CNTN3: variants seen among roughly 807,000 people sequenced by gnomAD.
CNTN3 encodes the protein contactin 3.
In CNTN3, 60 loss-of-function variants were observed where a neutral mutation model predicts 119.1. That is an observed-to-expected ratio of 0.50 (90% CI 0.41 to 0.62). The LOEUF is 0.62. Ranked by LOEUF, CNTN3 falls within the 20% of genes least tolerant of loss-of-function variation. CNTN3 has a pLI of 0.00. For synonymous variants in CNTN3, 450 were observed against 438.7 expected, an observed-to-expected ratio of 1.03 and a Z score of -0.32; for missense variants, 1,101 against 1,242.4, an observed-to-expected ratio of 0.89 and a Z score of 1.71.
chr3:74,285,470 C>T lies in CNTN3; in HGVS notation c.2539G>A (p.Gly847Arg), dbSNP rs761438541. 6.5e-5 allele frequency: 104 copies of T among 1,611,646 alleles called. No homozygotes were observed. Among genetic ancestry groups the T allele is most frequent in the Admixed American group, 3.5e-4 (21 of 59,792 alleles). The change falls in exon 20 of 23, where the codon GGA becomes AGA. Residue 847 changes from glycine to arginine, a missense_variant. Physicochemically the swap from Gly to Arg is moderately radical, Grantham distance 125. Transcript: ENST00000263665. ...GYEVRYWNGG[G>R]KEESSSKMKV... The stretch of plus-strand genomic sequence containing the variant: ...ATCTTACTGGATGATTCCTCCTTTC[C>T]ACCCCCATTCCAGTACCGCACCTGG...
At chr3:74,417,090 G>A (rs1701535923) in intron 5 of CNTN3, among the ~76,000 whole-genome samples, 1 of 152,112 alleles carries the variant, frequency 6.6e-6, no homozygotes, top group East Asian at 1.9e-4. Context: ...TGGCTTGTCA[G>A]TGCAGAATGA....
chr3:74,403,397 T>C (rs1345264319), intron 5 of CNTN3, among the ~76,000 whole-genome samples: 1 of 152,142 alleles, frequency 6.6e-6, no homozygotes, highest in Non-Finnish European at 1.5e-5. Context: ...CTTTGGGAGT[T>C]AGGAGGTTGA....
At chr3:74,601,450 C>T (rs890046702) in intron 1 of CNTN3, among the ~76,000 whole-genome samples, 1 of 152,086 alleles carries the variant, frequency 6.6e-6, no homozygotes. Context: ...TATTTCCCAC[C>T]TCTGTGTGTT....
At chr3:74,601,287 G>A (rs1212134540) in intron 1 of CNTN3, among the ~76,000 whole-genome samples, 1 of 151,844 alleles carries the variant, frequency 6.6e-6, no homozygotes, top group East Asian at 1.9e-4. Context: ...ATTTGCCCAA[G>A]GTAAGAAACT....
intron 2 of CNTN3, among the ~76,000 whole-genome samples, chr3:74,513,068 G>A (rs951437638): frequency 2.9e-5 from 3 of 104,374 alleles, no homozygotes; most frequent in African/African-American, 1.1e-4. Context: ...GAGCTCTAAA[G>A]CTTAAGGCTA....
chr3:74,439,746 T>C (rs1272528481), intron 4 of CNTN3, among the ~76,000 whole-genome samples: 3 of 152,164 alleles, frequency 2.0e-5, no homozygotes, highest in African/African-American at 4.8e-5. Flanking sequence ...TTTCAGTCCA[T>C]AGAAACTTCA....
chr3:74,536,512 T>C (rs960546047), intron 1 of CNTN3, among the ~76,000 whole-genome samples: 1 of 152,050 alleles, frequency 6.6e-6, no homozygotes, highest in Non-Finnish European at 1.5e-5. Context: ...AAATTGAATT[T>C]ACTAAAAAGC....
intron 1 of CNTN3, among the ~76,000 whole-genome samples, chr3:74,592,545 C>G (rs1704721667): frequency 6.6e-6 from 1 of 151,760 alleles, no homozygotes; most frequent in South Asian, 2.1e-4. Context: ...AAGAGGAACA[C>G]CAGCACTTTT....
chr3:74,339,902 GATAGA>G (rs1703491285), intron 11 of CNTN3, among the ~76,000 whole-genome samples: 1 of 71,672 alleles, frequency 1.4e-5, no homozygotes, highest in Admixed American at 1.6e-4. Flanking sequence ...CAGATAGATA[GATAGA>G]TAGATAGATA....
intron 1 of CNTN3, among the ~76,000 whole-genome samples, chr3:74,589,531 T>C (rs1461191372): frequency 6.2e-5 from 9 of 145,264 alleles, no homozygotes; most frequent in Non-Finnish European, 1.4e-4. Context: ...AGTTCAACCA[T>C]TGTGGAAGTC....
At chr3:74,458,207 G>T (rs1419158886) in intron 4 of CNTN3, among the ~76,000 whole-genome samples, 1 of 151,904 alleles carries the variant, frequency 6.6e-6, no homozygotes, top group Non-Finnish European at 1.5e-5. Context: ...AGAAATATCT[G>T]GAATTACCAA....
In CNTN3 at chr3:74,334,717, G is replaced by C; in HGVS notation, c.1668+18C>G. 5 of 1,607,678 alleles carry C rather than the reference G, an allele frequency of 3.1e-6. No individual in the cohort carries two copies. Among genetic ancestry groups the C allele is most frequent in the Non-Finnish European group, 4.3e-6 (5 of 1,175,740 alleles). ...ACACATGCAATATAAAAAGTATGAGGAAAGTGCCACAACTTACCCCACCAA... is the reference window on the plus strand; with the variant it reads ...ACACATGCAATATAAAAAGTATGAGCAAAGTGCCACAACTTACCCCACCAA... On this transcript the variant is annotated intron_variant, in intron 13 of 22. Transcript: ENST00000263665.
chr3:74,589,885 C>T (rs1441202209), intron 1 of CNTN3, among the ~76,000 whole-genome samples: 2 of 145,010 alleles, frequency 1.4e-5, no homozygotes, highest in African/African-American at 2.6e-5. Context: ...CATGTTCTCA[C>T]TCATGGATGG....
chr3:74,365,848 T>C (rs901587253), intron 8 of CNTN3, 146 bp from the exon 9 acceptor site: 1 of 927,368 alleles, frequency 1.1e-6, no homozygotes, highest in Non-Finnish European at 1.6e-6. Context: ...GCTAGAATTA[T>C]ATTTTATTCA....
In CNTN3 at chr3:74,486,584, T is replaced by A. The variant is rs772201910; in HGVS notation, c.230A>T (p.Tyr77Phe). Residue 77 changes from tyrosine (Y) to phenylalanine (F), a missense_variant, in exon 4 of 23, where the codon TAT becomes TTT. Coordinates refer to ENST00000263665, the MANE Select transcript of CNTN3 (RefSeq NM_020872.3). ...CACAAGATTTCCTCCATTCAACTTA[T>A]AACGATGTTCCATACTCATATCAAT... The part of the protein sequence containing the change: ...SDIDMSMEHR[Y>F]KLNGGNLVVI... The A allele has an allele frequency of 6.2e-7, 1 of 1,608,904 alleles. No individual in the cohort carries two copies.
intron 5 of CNTN3, among the ~76,000 whole-genome samples, chr3:74,379,998 G>A (rs986883731): frequency 6.6e-6 from 1 of 152,316 alleles, no homozygotes; most frequent in Non-Finnish European, 1.5e-5. Context: ...CAAGCTTGCA[G>A]TTCCTGCAAC....
intron 3 of CNTN3, among the ~76,000 whole-genome samples, chr3:74,490,356 G>A (rs573210987): frequency 6.6e-6 from 1 of 152,276 alleles, no homozygotes; most frequent in African/African-American, 2.4e-5. Flanking sequence ...TCTTATCTAA[G>A]AAGAGCAGTT....
At chr3:74,317,078 T>G in intron 13 of CNTN3, among the ~76,000 whole-genome samples, 1 of 151,158 alleles carries the variant, frequency 6.6e-6, no homozygotes, top group Non-Finnish European at 1.5e-5. Context: ...TTGATCCCTT[T>G]ACCATTATGT....
chr3:74,484,202 T>A (rs1312039110), intron 4 of CNTN3, among the ~76,000 whole-genome samples: 1 of 152,138 alleles, frequency 6.6e-6, no homozygotes, highest in Non-Finnish European at 1.5e-5. Context: ...AACACCATCT[T>A]GTAGACAAAG....
Sources: allele counts gnomAD v4.1 joint callset (sites outside exome capture counted in the v4.1 genomes callset), GRCh38; gene constraint gnomAD v4.1.1; transcripts MANE v1.5; gene names NCBI Gene and HGNC (gene_info 2026-07-23, HGNC 2026-07-21).